EXOC4: variants seen among roughly 807,000 people sequenced by gnomAD.
EXOC4 encodes the protein exocyst complex component 4, also known as SEC8-like 1.
A neutral mutation model predicts 107.2 loss-of-function variants in EXOC4; 71 were observed. That is an observed-to-expected ratio of 0.66 (90% CI 0.55 to 0.81). The LOEUF is 0.81. Ranked by LOEUF, EXOC4 falls within the 30% of genes least tolerant of loss-of-function variation. The pLI is 0.00. For synonymous variants in EXOC4, 456 were observed against 441.2 expected, an observed-to-expected ratio of 1.03 and a Z score of -0.42; for missense variants, 1,108 against 1,189.6, an observed-to-expected ratio of 0.93 and a Z score of 1.01.
At chr7:133,536,344 C>A (rs1429684105) in intron 9 of EXOC4, among the ~76,000 whole-genome samples, 2 of 152,020 alleles carry the variant, frequency 1.3e-5, no homozygotes, top group African/African-American at 2.4e-5. Flanking sequence ...TCTTTTTCTT[C>A]TTCTCTCTCT....
chr7:133,448,408 T>C (rs1798266349), intron 7 of EXOC4, among the ~76,000 whole-genome samples: 1 of 152,022 alleles, frequency 6.6e-6, no homozygotes, highest in African/African-American at 2.4e-5. Context: ...AGCAATCCTC[T>C]CACCTCAGCT....
At chr7:133,846,111 T>C (rs1333234100) in intron 11 of EXOC4, among the ~76,000 whole-genome samples, 1 of 152,028 alleles carries the variant, frequency 6.6e-6, no homozygotes, top group Non-Finnish European at 1.5e-5. Context: ...TGGTCTTCAA[T>C]CAAGCAAAAA....
chr7:133,763,287 A>G (rs1237809033), intron 10 of EXOC4, among the ~76,000 whole-genome samples: 3 of 152,138 alleles, frequency 2.0e-5, no homozygotes, highest in Non-Finnish European at 4.4e-5. Context: ...AGTACCAAGT[A>G]TAAATGCTGT....
intron 9 of EXOC4, among the ~76,000 whole-genome samples, chr7:133,563,577 T>C (rs1017831251): frequency 1.3e-5 from 2 of 152,206 alleles, no homozygotes; most frequent in Non-Finnish European, 2.9e-5. Flanking sequence ...CAAGCACCTG[T>C]TAAGAGTTGA....
intron 7 of EXOC4, among the ~76,000 whole-genome samples, chr7:133,435,747 C>T (rs1797956550): frequency 6.6e-6 from 1 of 152,030 alleles, no homozygotes; most frequent in Non-Finnish European, 1.5e-5. Flanking sequence ...TAAGTTTTAG[C>T]TATTCCATGA....
intron 7 of EXOC4, among the ~76,000 whole-genome samples, chr7:133,410,881 C>T (rs1207743743): frequency 1.3e-5 from 2 of 152,154 alleles, no homozygotes; most frequent in East Asian, 3.9e-4. Flanking sequence ...GATGTATCAC[C>T]TTATTTTATA....
chr7:133,798,325 T>C (rs982309900), intron 10 of EXOC4, among the ~76,000 whole-genome samples: 1 of 152,232 alleles, frequency 6.6e-6, no homozygotes, highest in Non-Finnish European at 1.5e-5. Context: ...CATTATAATC[T>C]GAGTCATTTA....
intron 10 of EXOC4, among the ~76,000 whole-genome samples, chr7:133,656,858 G>T (rs1186288833): frequency 6.6e-6 from 1 of 152,100 alleles, no homozygotes; most frequent in African/African-American, 2.4e-5. Flanking sequence ...TACTTTTGAT[G>T]GTTTAGGAAT....
intron 11 of EXOC4, among the ~76,000 whole-genome samples, chr7:133,859,252 C>CT (rs1483659895): frequency 1.3e-5 from 2 of 152,170 alleles, no homozygotes; most frequent in Non-Finnish European, 2.9e-5. Flanking sequence ...CTCTGATAAG[C>CT]TTTTGTTTCA....
chr7:133,328,570 C>G lies in EXOC4; in HGVS notation c.763+11180C>G, dbSNP rs1369969200. ...TTTGCAGTGGTTGGTACTGGTTATT[C>G]CTTTCCATTTTAGTGCTTCCTCTGG... On this transcript the variant is annotated intron_variant, in intron 5 of 17. Coordinates refer to ENST00000253861, the MANE Select transcript of EXOC4 (RefSeq NM_021807.4). Among the ~76,000 whole-genome samples the G allele has an allele frequency of 2.0e-5, 3 of 152,064 alleles. No individual in the cohort carries two copies. The South Asian group carries it at 6.2e-4, about 32-fold the overall frequency.
chr7:133,950,419 G>T (rs1396601861), intron 14 of EXOC4, among the ~76,000 whole-genome samples: 1 of 152,148 alleles, frequency 6.6e-6, no homozygotes, highest in East Asian at 1.9e-4. Context: ...CTTTACCCAA[G>T]CTTTGGACCA....
chr7:133,329,186 A>G (rs1795319549), intron 5 of EXOC4, among the ~76,000 whole-genome samples: 1 of 152,124 alleles, frequency 6.6e-6, no homozygotes, highest in Admixed American at 6.6e-5. Flanking sequence ...AATCACTGAT[A>G]TCATTTCTTC....
chr7:133,834,248 A>G (rs1165580459), intron 11 of EXOC4, among the ~76,000 whole-genome samples: 2 of 151,926 alleles, frequency 1.3e-5, no homozygotes, highest in African/African-American at 4.8e-5. Flanking sequence ...CAGGCATGCC[A>G]CAGTACCAGA....
intron 17 of EXOC4, among the ~76,000 whole-genome samples, chr7:134,050,905 T>C (rs1795769342): frequency 1.3e-5 from 2 of 151,900 alleles, no homozygotes; most frequent in Non-Finnish European, 2.9e-5. Flanking sequence ...AGTGAGTGAG[T>C]GAGGTGGCCA....
chr7:133,679,523 C>CCCATCCGTCCGTCCATCCAT (rs1554383006), intron 10 of EXOC4, among the ~76,000 whole-genome samples: 2 of 124,172 alleles, frequency 1.6e-5, no homozygotes, highest in African/African-American at 6.9e-5. Flanking sequence ...TTGCTACTGC[C>CCCATCCGTCCGTCCATCCAT]CCATCCATCC....
chr7:133,831,460 A>G (rs1173209692), intron 11 of EXOC4, among the ~76,000 whole-genome samples: 1 of 151,980 alleles, frequency 6.6e-6, no homozygotes, highest in Non-Finnish European at 1.5e-5. Context: ...TTATACTTGG[A>G]GTTATAATCC....
In EXOC4 at chr7:133,891,810, T is replaced by C. The variant is rs1262672699; in HGVS notation, c.1735-3789T>C. On this transcript the variant is annotated intron_variant, in intron 11 of 17. Coordinates refer to ENST00000253861, the MANE Select transcript of EXOC4 (RefSeq NM_021807.4). Reference sequence around the variant, plus strand: ...ATGGTGGATAAGCTTTTTGATGTGCTACTGGATTCGTTTTGCCAGTATTTT... The same window carrying C: ...ATGGTGGATAAGCTTTTTGATGTGCCACTGGATTCGTTTTGCCAGTATTTT... Among the ~76,000 whole-genome samples the C allele has an allele frequency of 2.6e-5, 2 of 77,828 alleles. 1 individual carries two copies. The highest frequency in any genetic ancestry group is 4.4e-5 in the Non-Finnish European group (2 of 45,428). The allele number at this position is 77,828 out of a possible 152,430, so 51.1% of individuals were successfully genotyped here.
chr7:133,992,358 C>T (rs1794283376), intron 14 of EXOC4, among the ~76,000 whole-genome samples: 1 of 152,134 alleles, frequency 6.6e-6, no homozygotes, highest in Non-Finnish European at 1.5e-5. Flanking sequence ...TCTCAGCTCA[C>T]TGCAACTTCT....
intron 7 of EXOC4, among the ~76,000 whole-genome samples, chr7:133,415,447 T>A (rs1383500117): frequency 6.6e-6 from 1 of 152,174 alleles, no homozygotes; most frequent in African/African-American, 2.4e-5. Context: ...CATCTTTGAT[T>A]ATAAACATTT....
Sources: allele counts gnomAD v4.1 joint callset (sites outside exome capture counted in the v4.1 genomes callset), GRCh38; gene constraint gnomAD v4.1.1; transcripts MANE v1.5; gene names NCBI Gene and HGNC (gene_info 2026-07-23, HGNC 2026-07-21).